RPTOR: variants seen among roughly 807,000 people sequenced by gnomAD.
RPTOR encodes regulatory-associated protein of mTOR.
A neutral mutation model predicts 169.9 loss-of-function variants in RPTOR; 21 were observed. The observed-to-expected ratio is 0.12, with a 90% confidence interval of 0.09 to 0.18. The LOEUF is 0.18. Among genes scored for constraint, RPTOR ranks in the 10% least tolerant of loss-of-function variants. RPTOR has a pLI of 1.00. For synonymous variants in RPTOR, 732 were observed against 753.2 expected (o/e 0.97, Z 0.46); for missense variants, 1,133 against 1,855.9 (o/e 0.61, Z 7.16).
At chr17:80,855,668 G>T (rs559228750) in intron 12 of RPTOR, 121 bp downstream of exon 12, 10 of 759,950 alleles carry the variant, frequency 1.3e-5, no homozygotes, top group Admixed American at 2.0e-5. Flanking sequence ...GACCCAGGGC[G>T]AGTGTGTCCA....
intron 3 of RPTOR, among the ~76,000 whole-genome samples, chr17:80,657,978 C>T (rs192603847): frequency 1.4e-3 from 211 of 152,208 alleles, no homozygotes; most frequent in African/African-American, 4.7e-3. Context: ...ATATTTGTTT[C>T]GTGGTAACCC....
At position 80,695,073 on chromosome 17, in the gene RPTOR, G is replaced by C. The variant is rs1409793425; in HGVS notation, c.349-12768G>C. On this transcript the variant is annotated intron_variant, in intron 3 of 33. Transcript: ENST00000306801. This position sits in a 1 kb window ranked among gnomAD's most constrained non-coding sequence, Gnocchi z 4.9. ...GACATGGGCCTGTGCGGGGCTGGCT[G>C]TGTGGCCCCGTGAGGGTTACTGAAC... 6.6e-6 allele frequency among the ~76,000 whole-genome samples: 1 copy of C among 152,156 alleles called. No individual in the cohort carries two copies. The highest frequency in any genetic ancestry group is 1.9e-4 in the East Asian group (1 of 5,176).
chr17:80,781,440 G>A (rs895844640), intron 6 of RPTOR, among the ~76,000 whole-genome samples: 2 of 152,148 alleles, frequency 1.3e-5, no homozygotes, highest in African/African-American at 4.8e-5. Flanking sequence ...GCTAGGCCTG[G>A]TGCTGCCGAA....
At chr17:80,555,544 T>A (rs2084397470) in intron 1 of RPTOR, among the ~76,000 whole-genome samples, 1 of 152,188 alleles carries the variant, frequency 6.6e-6, no homozygotes. Context: ...ACGGGAAGTG[T>A]CCTGTCTCTC....
chr17:80,709,388 T>A (rs1007882181), intron 4 of RPTOR, among the ~76,000 whole-genome samples: 2 of 152,152 alleles, frequency 1.3e-5, no homozygotes, highest in Non-Finnish European at 2.9e-5. Context: ...CTTCCCTGGC[T>A]CTCCTCTGTG....
chr17:80,761,070 C>T (rs1464617683), intron 6 of RPTOR, among the ~76,000 whole-genome samples: 7 of 152,090 alleles, frequency 4.6e-5, no homozygotes, highest in Non-Finnish European at 8.8e-5. Context: ...CATTACTTTC[C>T]ACATAAATGA....
intron 2 of RPTOR, among the ~76,000 whole-genome samples, chr17:80,642,415 C>A (rs2065561321): frequency 6.6e-6 from 1 of 152,148 alleles, no homozygotes; most frequent in Non-Finnish European, 1.5e-5. Context: ...AGCCACCACA[C>A]CTGGCCGAGC....
chr17:80,649,120 C>T (rs1035855253), intron 3 of RPTOR, among the ~76,000 whole-genome samples: 22 of 152,188 alleles, frequency 1.4e-4, no homozygotes, highest in Admixed American at 1.2e-3. Context: ...TCTACCTTTT[C>T]TTAGGATTTT....
At chr17:80,720,139 CA>C (rs904437024) in intron 4 of RPTOR, among the ~76,000 whole-genome samples, 102 of 150,418 alleles carry the variant, frequency 6.8e-4, no homozygotes, top group African/African-American at 1.9e-3. Context: ...TTAAAAATAC[CA>C]AAAAAAAATT....
At chr17:80,632,110 T>A (rs2065446695) in intron 2 of RPTOR, among the ~76,000 whole-genome samples, 1 of 152,176 alleles carries the variant, frequency 6.6e-6, no homozygotes, top group Non-Finnish European at 1.5e-5. Flanking sequence ...GCAGCTGTGT[T>A]TTGTGGCTGA....
At chr17:80,914,673 A>G (rs933705304) in intron 21 of RPTOR, among the ~76,000 whole-genome samples, 9 of 147,488 alleles carry the variant, frequency 6.1e-5, no homozygotes, top group African/African-American at 2.3e-4. Flanking sequence ...TCACATGCCA[A>G]CCACCTGCTA....
At chr17:80,933,985 AG>A (rs144122806) in intron 24 of RPTOR, among the ~76,000 whole-genome samples, 3,676 of 152,158 alleles carry the variant, frequency 0.024, 125 homozygotes, top group African/African-American at 0.084. Context: ...TCTGTTGCCC[AG>A]GCTGGGGTTC....
At chr17:80,634,709 T>TGC (rs1484500821) in intron 2 of RPTOR, among the ~76,000 whole-genome samples, 4 of 105,730 alleles carry the variant, frequency 3.8e-5, no homozygotes, top group African/African-American at 1.9e-4. Context: ...GCGTACTGTG[T>TGC]GTGTGCGTAC....
chr17:80,575,524 C>T (rs1366319358), intron 1 of RPTOR, among the ~76,000 whole-genome samples: 3 of 152,198 alleles, frequency 2.0e-5, no homozygotes, highest in African/African-American at 4.8e-5. Context: ...GTGCGAATGG[C>T]GCCCCCTCGT....
intron 1 of RPTOR, among the ~76,000 whole-genome samples, chr17:80,581,335 A>G (rs1379110174): frequency 6.6e-6 from 1 of 152,164 alleles, no homozygotes; most frequent in Non-Finnish European, 1.5e-5. Flanking sequence ...CAATTGCGTA[A>G]ATGCAGGTAA....
chr17:80,799,076 T>C (rs1217275636), intron 7 of RPTOR, among the ~76,000 whole-genome samples: 1 of 152,264 alleles, frequency 6.6e-6, no homozygotes, highest in Non-Finnish European at 1.5e-5. Context: ...GAGCGTGATA[T>C]GACCTTTGAA....
chr17:80,911,402 ATTAAG>A (rs2068611571), intron 21 of RPTOR, among the ~76,000 whole-genome samples: 1 of 152,244 alleles, frequency 6.6e-6, no homozygotes, highest in East Asian at 1.9e-4. Flanking sequence ...TAGCCAGTCA[ATTAAG>A]TTAATGTTTT....
At chr17:80,743,173 C>G in intron 5 of RPTOR, 1 of 938,870 alleles carries the variant, frequency 1.1e-6, no homozygotes, top group Non-Finnish European at 1.3e-6. Context: ...TGGAACCCTT[C>G]CTGTCTTCCC....
At chr17:80,930,347 G>GCTCATCCTCAGCTCATCCCAC (rs2068872231) in intron 24 of RPTOR, among the ~76,000 whole-genome samples, 1 of 31,038 alleles carries the variant, frequency 3.2e-5, no homozygotes. Context: ...CTCATCCTCA[G>GCTCATCCTCAGCTCATCCCAC]CTCATCCCCA....
Sources: gnomAD v4.1 joint callset for allele counts (sites outside exome capture counted in the v4.1 genomes callset) on GRCh38, gnomAD v4.1.1 for gene constraint, Gnocchi (gnomAD v3.1) non-coding constraint, MANE v1.5 for transcripts, NCBI Gene and HGNC (gene_info 2026-07-23, HGNC 2026-07-21) for gene names.